The following NAALADL2 variants were observed in gnomAD, a reference collection of about 807,000 sequenced individuals.
NAALADL2 encodes the protein inactive N-acetylated-alpha-linked acidic dipeptidase-like protein 2.
NAALADL2 carries 76 observed loss-of-function variants against 87.2 expected under a neutral mutation model. The observed-to-expected ratio is 0.87, with a 90% CI of 0.72 to 1.05. The LOEUF (loss-of-function observed/expected upper bound fraction) is 1.05, where lower values mean the gene tolerates loss of function less well. NAALADL2 is among the 50% of genes least tolerant of loss of function. The probability of loss-of-function intolerance (pLI) is 0.00; values close to 1 mark genes in which losing one functional copy is unlikely to be tolerated. For synonymous variants in NAALADL2, 354 were observed against 331.0 expected, an observed-to-expected ratio of 1.07 and a Z score of -0.75; for missense variants, 1,089 against 945.8, an observed-to-expected ratio of 1.15 and a Z score of -1.99.
intron 13 of NAALADL2, among the ~76,000 whole-genome samples, chr3:175,801,933 T>G (rs1754202129): frequency 6.6e-6 from 1 of 152,036 alleles, no homozygotes; most frequent in South Asian, 2.1e-4. Flanking sequence ...CATTCCACAC[T>G]TGTGAGAAGA....
Position 175,803,010 on chromosome 3 carries a change from T to A in NAALADL2, c.2195T>A (p.Ile732Asn), listed in dbSNP as rs763318287. The change falls in exon 14 of 14, where the codon ATC (isoleucine) becomes AAC (asparagine). Residue 732 changes from isoleucine (I) to asparagine (N), a missense_variant. Ile to Asn is a moderately radical substitution (Grantham distance 149). Coordinates refer to ENST00000454872, the MANE Select transcript of NAALADL2 (RefSeq NM_207015.3). ...KQAPPGFYRNILYHLDEKTSR... is the reference protein window; with the variant it reads ...KQAPPGFYRNNLYHLDEKTSR... ...CATTTTGTATTTCTTTTCAGAAACATCCTCTACCACCTTGATGAAAAGACA... is the reference window on the plus strand; with the variant it reads ...CATTTTGTATTTCTTTTCAGAAACAACCTCTACCACCTTGATGAAAAGACA... 2 of 1,608,584 alleles carry A rather than the reference T, an allele frequency of 1.2e-6. No individual in the cohort carries two copies. The highest frequency in any genetic ancestry group is 1.1e-5 in the South Asian group (1 of 90,798).
At chr3:174,583,769 A>G (rs1560072098) in intron 2 of NAALADL2, among the ~76,000 whole-genome samples, 2 of 152,154 alleles carry the variant, frequency 1.3e-5, no homozygotes, top group Non-Finnish European at 1.5e-5. Flanking sequence ...AATGTTTGGA[A>G]TTTCATTTCA....
In NAALADL2 at chr3:175,804,112, T is replaced by C. The variant is rs949234220; in HGVS notation, c.*909T>C. 6.6e-6 allele frequency: 1 copy of C among 151,946 alleles called. No homozygotes were observed. Among genetic ancestry groups the C allele is most frequent in the African/African-American group, 2.4e-5 (1 of 41,430 alleles). 9.4% of individuals were successfully genotyped at this position (151,946 alleles called of 1,614,324 possible). On this transcript the variant is annotated 3_prime_UTR_variant, in exon 14 of 14. Transcript: ENST00000454872. ...GTAAGGCAGCTTTCTCAGAGTACTA[T>C]ATATTTTCAACAGTAAAGTAGCAGA... is the stretch of plus-strand genomic sequence containing the variant.
intron 13 of NAALADL2, among the ~76,000 whole-genome samples, chr3:175,796,395 T>C (rs1753500194): frequency 6.6e-6 from 1 of 152,154 alleles, no homozygotes; most frequent in South Asian, 2.1e-4. Context: ...ACACGTGTCT[T>C]TGTGCCTCAG....
At position 174,683,865 on chromosome 3, in the gene NAALADL2, G is replaced by A. The variant is rs998127211; in HGVS notation, c.-114-53776G>A. Among the ~76,000 whole-genome samples, 5 of 152,018 alleles carry A rather than the reference G, an allele frequency of 3.3e-5. No individual in the cohort carries two copies. In the East Asian group the frequency reaches 9.7e-4, roughly 29 times the overall value. ...GTGAAAATGAGAATCTATTTTTTCA[G>A]AGCTACAGAGTGTATAATATGCAGG... is the stretch of plus-strand genomic sequence containing the variant. On this transcript the variant is annotated intron_variant, in intron 2 of 3. Transcript: ENST00000434257.
At chr3:175,153,503 A>G (rs887495145) in intron 2 of NAALADL2, among the ~76,000 whole-genome samples, 4 of 152,170 alleles carry the variant, frequency 2.6e-5, no homozygotes, top group African/African-American at 9.7e-5. Flanking sequence ...AACCTTGTCC[A>G]TGGGTCCCTT....
intron 1 of NAALADL2, chr3:174,864,178 C>T (rs1048042522): frequency 1.2e-5 from 5 of 402,528 alleles, no homozygotes; most frequent in Non-Finnish European, 2.5e-5. Context: ...AGGGTCTTTG[C>T]AGCAGGCAAA....
chr3:174,742,160 A>T (rs1382533517), intron 3 of NAALADL2, among the ~76,000 whole-genome samples: 1 of 151,632 alleles, frequency 6.6e-6, no homozygotes, highest in African/African-American at 2.4e-5. Flanking sequence ...ACTCTTTAAA[A>T]TTTTTCAAGG....
intron 2 of NAALADL2, among the ~76,000 whole-genome samples, chr3:174,622,928 A>G (rs752323061): frequency 6.6e-6 from 1 of 152,212 alleles, no homozygotes; most frequent in Non-Finnish European, 1.5e-5. Context: ...CTATAGTCCC[A>G]GCAACTGGGG....
At chr3:175,725,292 T>C (rs1742775413) in intron 11 of NAALADL2, among the ~76,000 whole-genome samples, 1 of 152,256 alleles carries the variant, frequency 6.6e-6, no homozygotes, top group East Asian at 1.9e-4. Context: ...GTACATCATT[T>C]AATAAACATA....
At chr3:175,174,391 A>AACAT (rs1481777266) in intron 2 of NAALADL2, among the ~76,000 whole-genome samples, 1 of 152,134 alleles carries the variant, frequency 6.6e-6, no homozygotes, top group Non-Finnish European at 1.5e-5. Flanking sequence ...ACAGTTATGT[A>AACAT]TTTGCAGCAT....
chr3:174,575,680 A>G (rs527298765), intron 2 of NAALADL2, among the ~76,000 whole-genome samples: 1 of 152,312 alleles, frequency 6.6e-6, no homozygotes, highest in South Asian at 2.1e-4. Context: ...AGTTACATAT[A>G]CTTTGTATGA....
rs1769526142 is a variant in NAALADL2 at position 175,394,635 on chromosome 3, G to T, written c.1091-52594G>T. ...TGACAGTTGTGTTTTTTATGTTTTTGATAACCTCCAGACATAGATTGTACT... is the reference window on the plus strand; with the variant it reads ...TGACAGTTGTGTTTTTTATGTTTTTTATAACCTCCAGACATAGATTGTACT... On this transcript the variant is annotated intron_variant, in intron 5 of 13. Transcript: ENST00000454872. Among the ~76,000 whole-genome samples the T allele has an allele frequency of 1.3e-5, 2 of 152,078 alleles. 1 individual carries two copies. The highest frequency in any genetic ancestry group is 4.1e-4 in the South Asian group (2 of 4,824).
intron 1 of NAALADL2, among the ~76,000 whole-genome samples, chr3:175,018,893 A>G (rs187603904): frequency 4.9e-4 from 74 of 152,218 alleles, no homozygotes; most frequent in Non-Finnish European, 5.9e-5. Flanking sequence ...GCTGACCACT[A>G]AAACTTTAGT....
At chr3:175,126,242 A>C (rs1726932230) in intron 2 of NAALADL2, among the ~76,000 whole-genome samples, 1 of 152,126 alleles carries the variant, frequency 6.6e-6, no homozygotes, top group Non-Finnish European at 1.5e-5. Flanking sequence ...AACAGATAAA[A>C]GAGGCGATTG....
chr3:174,522,657 G>A (rs569180295), intron 1 of NAALADL2, among the ~76,000 whole-genome samples: 4 of 151,972 alleles, frequency 2.6e-5, no homozygotes, highest in African/African-American at 7.2e-5. Flanking sequence ...AAGAAAGGCC[G>A]GGTGCAGTGG....
chr3:175,425,561 T>G (rs1415337271), intron 5 of NAALADL2, among the ~76,000 whole-genome samples: 6 of 152,188 alleles, frequency 3.9e-5, no homozygotes, highest in African/African-American at 1.4e-4. Context: ...GAGGTAAACA[T>G]GAACACTAAT....
chr3:175,359,154 A>G (rs1764704991), intron 5 of NAALADL2, among the ~76,000 whole-genome samples: 1 of 152,120 alleles, frequency 6.6e-6, no homozygotes, highest in African/African-American at 2.4e-5. Flanking sequence ...CAAAGTAGCA[A>G]TCTCTTACTA....
intron 2 of NAALADL2, among the ~76,000 whole-genome samples, chr3:174,647,835 G>A (rs1723952673): frequency 6.6e-6 from 1 of 152,142 alleles, no homozygotes; most frequent in Admixed American, 6.6e-5. Context: ...ACTTGGCACT[G>A]TAATGCAAAG....
Sources: allele counts gnomAD v4.1 joint callset (sites outside exome capture counted in the v4.1 genomes callset), GRCh38; gene constraint gnomAD v4.1.1; transcripts MANE v1.5; gene names NCBI Gene and HGNC (gene_info 2026-07-23, HGNC 2026-07-21).